SCFD2: variants seen among roughly 807,000 people sequenced by gnomAD.
SCFD2 encodes the protein sec1 family domain-containing protein 2.
A neutral mutation model predicts 58.9 loss-of-function variants in SCFD2; 54 were observed. The ratio of observed to expected loss-of-function variants is 0.92; its 90% CI spans 0.74 to 1.15. SCFD2 has a LOEUF of 1.15. SCFD2 is among the 50% of genes most tolerant of loss of function. SCFD2 has a pLI of 0.00. For synonymous variants in SCFD2, 321 were observed against 335.9 expected (o/e 0.96, Z 0.49); for missense variants, 805 against 836.6 (o/e 0.96, Z 0.47).
At chr4:53,336,092 C>G (rs1041004582) in intron 2 of SCFD2, among the ~76,000 whole-genome samples, 13 of 152,126 alleles carry the variant, frequency 8.5e-5, no homozygotes, top group African/African-American at 2.9e-4. Context: ...CCCTTAGAGA[C>G]TCTTACATTG....
intron 4 of SCFD2, among the ~76,000 whole-genome samples, chr4:53,150,364 T>C (rs939580306): frequency 6.6e-6 from 1 of 152,176 alleles, no homozygotes; most frequent in Non-Finnish European, 1.5e-5. Flanking sequence ...AGGGTGGTCA[T>C]CTGCCCAAGA....
intron 5 of SCFD2, among the ~76,000 whole-genome samples, chr4:53,135,740 CAA>C (rs527621179): frequency 7.0e-6 from 1 of 143,604 alleles, no homozygotes. Flanking sequence ...GACTCCATCT[CAA>C]AAAAAAAAAG....
intron 5 of SCFD2, among the ~76,000 whole-genome samples, chr4:53,122,426 A>G (rs190934589): frequency 1.3e-5 from 2 of 152,242 alleles, no homozygotes; most frequent in East Asian, 3.9e-4. Flanking sequence ...ACATGCTGAC[A>G]AGCCGCAGCT....
intron 5 of SCFD2, among the ~76,000 whole-genome samples, chr4:52,926,054 C>T (rs779690356): frequency 6.6e-6 from 1 of 152,236 alleles, no homozygotes; most frequent in Middle Eastern, 3.4e-3. Context: ...GCTCTGTACA[C>T]CGCAGGGAGC....
intron 5 of SCFD2, among the ~76,000 whole-genome samples, chr4:52,931,515 AC>A (rs1400610351): frequency 1.3e-5 from 2 of 152,052 alleles, no homozygotes; most frequent in African/African-American, 4.8e-5. Flanking sequence ...GTTTCCCACC[AC>A]CCCCCTCCGC....
intron 2 of SCFD2, among the ~76,000 whole-genome samples, chr4:53,340,927 C>T (rs1355854233): frequency 2.6e-5 from 4 of 152,196 alleles, no homozygotes; most frequent in African/African-American, 9.6e-5. Context: ...AACTAACAAA[C>T]AGAAAGGACA....
rs1174958568 is a variant in SCFD2, at chr4:53,164,217, G to A, written c.1312-18635C>T. Among the ~76,000 whole-genome samples the A allele has an allele frequency of 4.6e-5, 7 of 152,108 alleles. No individual in the cohort carries two copies. In the South Asian group the frequency reaches 6.2e-4, roughly 14 times the overall value. On this transcript the variant is annotated intron_variant, in intron 4 of 8. Transcript: ENST00000401642. ...TTATTTAGAGAGAGGCCTGGTGTGC[G>A]AGGTATATTTATGTTCCTCTAAAGA...
chr4:53,330,871 C>A (rs1339090371), intron 2 of SCFD2, among the ~76,000 whole-genome samples: 2 of 151,932 alleles, frequency 1.3e-5, no homozygotes. Flanking sequence ...CAGAGACACA[C>A]ACAGGCTCAA....
chr4:53,071,234 G>A (rs998633673), intron 5 of SCFD2, among the ~76,000 whole-genome samples: 10 of 152,082 alleles, frequency 6.6e-5, no homozygotes, highest in Non-Finnish European at 1.2e-4. Flanking sequence ...TGGAATTATC[G>A]TACGCATCCT....
chr4:53,303,442 T>C (rs1346335018), intron 3 of SCFD2, among the ~76,000 whole-genome samples: 6 of 152,000 alleles, frequency 3.9e-5, no homozygotes, highest in Admixed American at 3.9e-4. Flanking sequence ...CATTAAAAAG[T>C]CAGGAAACAG....
chr4:53,365,021 G>C lies in SCFD2; in HGVS notation c.838+83C>G. ...ATCCTCAATCTAATATATAATAAAA[G>C]GTCAATAAAATATATGCTGAATCAA... On this transcript the variant is annotated intron_variant, in intron 1 of 8. Coordinates refer to ENST00000401642, the MANE Select transcript of SCFD2 (RefSeq NM_152540.4). This position sits in a 1 kb window ranked among gnomAD's most constrained non-coding sequence, Gnocchi z 4.3. The C allele has an allele frequency of 6.8e-7, 1 of 1,462,570 alleles. No homozygotes were observed. The highest frequency in any genetic ancestry group is 2.2e-5 in the Admixed American group (1 of 45,142). 90.6% of individuals were successfully genotyped at this position (1,462,570 alleles called of 1,614,324 possible).
chr4:53,317,278 G>T (rs781641483), intron 2 of SCFD2, among the ~76,000 whole-genome samples: 64 of 152,118 alleles, frequency 4.2e-4, no homozygotes, highest in Non-Finnish European at 7.9e-4. Context: ...TGAATAATTG[G>T]CACTGAAGAA....
chr4:52,988,757 A>G (rs1480515303), intron 5 of SCFD2, among the ~76,000 whole-genome samples: 1 of 152,186 alleles, frequency 6.6e-6, no homozygotes, highest in Non-Finnish European at 1.5e-5. Context: ...CAATACAGGA[A>G]TACATTTCCA....
intron 6 of SCFD2, among the ~76,000 whole-genome samples, chr4:52,911,801 C>A (rs1029063524): frequency 6.6e-6 from 1 of 152,184 alleles, no homozygotes; most frequent in African/African-American, 2.4e-5. Context: ...CTTCTAGACT[C>A]AGTTCTGTGA....
chr4:52,975,198 C>T (rs569029165), intron 5 of SCFD2, among the ~76,000 whole-genome samples: 1 of 152,234 alleles, frequency 6.6e-6, no homozygotes, highest in East Asian at 1.9e-4. Context: ...AGAGCTTCTG[C>T]ACAGCAAAAG....
At chr4:53,287,097 T>C (rs926550219) in intron 3 of SCFD2, among the ~76,000 whole-genome samples, 98 of 152,260 alleles carry the variant, frequency 6.4e-4, no homozygotes, top group African/African-American at 2.3e-3. Flanking sequence ...GACATAAACC[T>C]GTCCCCGGGT....
In SCFD2 at chr4:52,920,844, A is replaced by C; in HGVS notation, c.1588T>G (p.Phe530Val). The C allele has an allele frequency of 6.2e-7, 1 of 1,611,510 alleles. No homozygotes were observed. Among genetic ancestry groups the C allele is most frequent in the Non-Finnish European group, 8.5e-7 (1 of 1,178,488 alleles). Residue 530 changes from phenylalanine (F) to valine (V), a missense_variant, in exon 6 of 9, where the codon TTT becomes GTT. Physicochemically the swap from Phe to Val is conservative, Grantham distance 50. Transcript: ENST00000401642. ...TDWDSSINLT[F>V]HKSKIAVDEL... ...TCCACGGCAATTTTGGATTTGTGAAATGTCAGATTAATTGAAGAGTCCCAG... is the reference window on the plus strand; with the variant it reads ...TCCACGGCAATTTTGGATTTGTGAACTGTCAGATTAATTGAAGAGTCCCAG...
intron 5 of SCFD2, among the ~76,000 whole-genome samples, chr4:52,940,143 A>G (rs1235456108): frequency 2.0e-5 from 3 of 152,340 alleles, no homozygotes; most frequent in African/African-American, 7.2e-5. Flanking sequence ...CTGACCTGCG[A>G]GCTACTCAAT....
intron 3 of SCFD2, among the ~76,000 whole-genome samples, chr4:53,295,439 G>A (rs1209089686): frequency 6.6e-6 from 1 of 152,090 alleles, no homozygotes; most frequent in Non-Finnish European, 1.5e-5. Flanking sequence ...GGCTCTGTTT[G>A]TCTGTTATTG....
Sources: allele counts gnomAD v4.1 joint callset (sites outside exome capture counted in the v4.1 genomes callset), GRCh38; gene constraint gnomAD v4.1.1; non-coding constraint Gnocchi (gnomAD v3.1); transcripts MANE v1.5; gene names NCBI Gene and HGNC (gene_info 2026-07-23, HGNC 2026-07-21).